The following GPC6 variants were observed in gnomAD, a reference collection of about 807,000 sequenced individuals.
GPC6 encodes glypican 6, also known as glypican-6.
A neutral mutation model predicts 55.2 loss-of-function variants in GPC6; 14 were observed. The ratio of observed to expected loss-of-function variants is 0.25; its 90% CI spans 0.17 to 0.40. The LOEUF is 0.40. Ranked by LOEUF, GPC6 falls within the 10% of genes least tolerant of loss-of-function variation. The pLI is 1.00. For missense variants in GPC6, 641 were observed against 708.5 expected (o/e 0.90, Z 1.08); for synonymous variants, 278 against 259.6 (o/e 1.07, Z -0.68).
At chr13:93,879,790 G>A (rs931758016) in intron 3 of GPC6, among the ~76,000 whole-genome samples, 7 of 151,934 alleles carry the variant, frequency 4.6e-5, no homozygotes, top group African/African-American at 1.7e-4. Context: ...CTACAAAATG[G>A]GAGAAAATTT....
chr13:94,152,830 T>C (rs1887792118), intron 4 of GPC6, among the ~76,000 whole-genome samples: 1 of 152,142 alleles, frequency 6.6e-6, no homozygotes, highest in Non-Finnish European at 1.5e-5. Flanking sequence ...GCTTTTTAAC[T>C]CTAATGGAAG....
intron 3 of GPC6, among the ~76,000 whole-genome samples, chr13:93,873,636 G>C (rs1889198688): frequency 6.6e-6 from 1 of 151,802 alleles, no homozygotes; most frequent in Non-Finnish European, 1.5e-5. Flanking sequence ...GCACACTTGG[G>C]AGACCTTGAT....
chr13:94,029,962 G>T (rs1194723360), intron 4 of GPC6, among the ~76,000 whole-genome samples: 5 of 151,692 alleles, frequency 3.3e-5, no homozygotes, highest in Non-Finnish European at 7.4e-5. Context: ...CAAGCGTGGT[G>T]GTTCGTCCTA....
chr13:93,447,687 G>T (rs1878058761), intron 1 of GPC6, among the ~76,000 whole-genome samples: 1 of 152,088 alleles, frequency 6.6e-6, no homozygotes, highest in African/African-American at 2.4e-5. Context: ...TAAATTATCA[G>T]TCCTTTCAAT....
At chr13:93,392,054 T>C (rs1055894122) in intron 1 of GPC6, among the ~76,000 whole-genome samples, 1 of 152,182 alleles carries the variant, frequency 6.6e-6, no homozygotes, top group Non-Finnish European at 1.5e-5. Context: ...AATCAGGATT[T>C]ATAGTGAAAT....
At chr13:94,382,268 A>G (rs1324267925) in intron 6 of GPC6, 146 bp from the exon 7 acceptor site, 1 of 798,986 alleles carries the variant, frequency 1.3e-6, no homozygotes, top group African/African-American at 1.7e-5. Context: ...TAAACCCTGC[A>G]GTGCAGTGTC....
intron 1 of GPC6, among the ~76,000 whole-genome samples, chr13:93,542,060 G>A (rs1164586879): frequency 2.0e-5 from 3 of 152,054 alleles, no homozygotes; most frequent in East Asian, 3.9e-4. Context: ...GGCTTTTGTT[G>A]CCATTGCTTT....
chr13:93,275,916 C>T (rs889887308), intron 1 of GPC6, among the ~76,000 whole-genome samples: 1 of 152,096 alleles, frequency 6.6e-6, no homozygotes, highest in Admixed American at 6.5e-5. Flanking sequence ...GCTCTGTCGC[C>T]CAGGCTGGAG....
chr13:93,286,524 C>G (rs1004517633), intron 1 of GPC6, among the ~76,000 whole-genome samples: 2 of 152,150 alleles, frequency 1.3e-5, no homozygotes, highest in Non-Finnish European at 2.9e-5. Flanking sequence ...TGTAAAATGT[C>G]TTTCCTACCA....
At chr13:93,278,170 G>A (rs920586121) in intron 1 of GPC6, among the ~76,000 whole-genome samples, 12 of 152,164 alleles carry the variant, frequency 7.9e-5, no homozygotes, top group African/African-American at 2.9e-4. Flanking sequence ...GAGGGAAATA[G>A]AACATAAATA....
intron 2 of GPC6, among the ~76,000 whole-genome samples, chr13:93,590,693 A>C (rs1435459438): frequency 6.6e-6 from 1 of 152,234 alleles, no homozygotes; most frequent in Non-Finnish European, 1.5e-5. Context: ...AAGCCCAGAA[A>C]GTAGGTATGA....
At chr13:93,395,206 T>C in intron 1 of GPC6, 1 of 337,330 alleles carries the variant, frequency 3.0e-6, no homozygotes, top group Non-Finnish European at 5.7e-6. Flanking sequence ...TACTAATGTT[T>C]CTTCCATGAT....
rs578086302 is a variant in GPC6 at position 93,412,783 on chromosome 13, A to T, written c.161-132480A>T. ...AAATCAAGCATTATGTGTAAAATCA[A>T]GCATGACCCTGCAGGAAGGTCTGGC... On this transcript the variant is annotated intron_variant, in intron 1 of 8. Coordinates refer to ENST00000377047, the MANE Select transcript of GPC6 (RefSeq NM_005708.5). 1.1e-4 allele frequency among the ~76,000 whole-genome samples: 17 copies of T among 152,318 alleles called. No individual in the cohort carries two copies. In the South Asian group the frequency reaches 2.9e-3, roughly 26 times the overall value.
chr13:93,670,968 T>C (rs1347297637), intron 2 of GPC6, among the ~76,000 whole-genome samples: 1 of 152,218 alleles, frequency 6.6e-6, no homozygotes, highest in Non-Finnish European at 1.5e-5. Flanking sequence ...CTGCCTTGGC[T>C]TCTTCCTTTT....
chr13:93,990,869 A>G (rs566371110), intron 3 of GPC6, among the ~76,000 whole-genome samples: 1 of 151,292 alleles, frequency 6.6e-6, no homozygotes, highest in East Asian at 2.0e-4. Context: ...TCAAAAGAAA[A>G]AGAGGGAGAA....
At chr13:93,845,286 T>C (rs1398840674) in intron 3 of GPC6, among the ~76,000 whole-genome samples, 5 of 150,866 alleles carry the variant, frequency 3.3e-5, no homozygotes, top group Non-Finnish European at 5.9e-5. Context: ...CTATGAGATA[T>C]CATCTCACAC....
At chr13:93,625,492 AT>A (rs1408315488) in intron 2 of GPC6, among the ~76,000 whole-genome samples, 1 of 152,062 alleles carries the variant, frequency 6.6e-6, no homozygotes, top group African/African-American at 2.4e-5. Flanking sequence ...TGATCAATTC[AT>A]TGTGTTGTGG....
At chr13:93,263,233 C>G (rs946849699) in intron 1 of GPC6, among the ~76,000 whole-genome samples, 40 of 152,080 alleles carry the variant, frequency 2.6e-4, no homozygotes, top group Non-Finnish European at 3.8e-4. Flanking sequence ...TTGGCCCACA[C>G]CGTGGGTTTT....
intron 1 of GPC6, among the ~76,000 whole-genome samples, chr13:93,253,301 G>T (rs1876848841): frequency 6.6e-6 from 1 of 152,180 alleles, no homozygotes; most frequent in Non-Finnish European, 1.5e-5. Flanking sequence ...ATTTATGATG[G>T]AGGCTTTGAA....
Sources: gnomAD v4.1 joint callset for allele counts (sites outside exome capture counted in the v4.1 genomes callset) on GRCh38, gnomAD v4.1.1 for gene constraint, MANE v1.5 for transcripts, NCBI Gene and HGNC (gene_info 2026-07-23, HGNC 2026-07-21) for gene names.